Variants in DNMT3A observed in about 807,000 individuals in gnomAD.
DNMT3A encodes DNA methyltransferase 3 alpha, also known as DNA (cytosine-5)-methyltransferase 3A.
In DNMT3A, 267 loss-of-function variants were observed where a neutral mutation model predicts 117.6. The ratio of observed to expected loss-of-function variants is 2.27; its 90% CI spans 2.05 to 2.51. The LOEUF (loss-of-function observed/expected upper bound fraction) is 2.51. Ranked by LOEUF, DNMT3A falls within the 30% of genes most tolerant of loss-of-function variation. DNMT3A has a pLI of 0.00. For synonymous variants in DNMT3A, 432 were observed against 474.8 expected (o/e 0.91, Z 1.17); for missense variants, 1,029 against 1,260.2 (o/e 0.82, Z 2.78).
rs2032984927 is a variant in DNMT3A at position 25,294,654 on chromosome 2, G to T, written c.177+5485C>A. Among the ~76,000 whole-genome samples the T allele has an allele frequency of 6.6e-6, 1 of 152,236 alleles. No individual in the cohort carries two copies. The highest frequency in any genetic ancestry group is 1.5e-5 in the Non-Finnish European group (1 of 68,046). On this transcript the variant is annotated intron_variant, in intron 3 of 22. Transcript: ENST00000321117. This position sits in a 1 kb window ranked among gnomAD's most constrained non-coding sequence, Gnocchi z 4.7. The stretch of plus-strand genomic sequence containing the variant: ...AAGAATCAAAGGTCCTATCAGGCTG[G>T]AAAGCTAGCCAGTGCTGCAAACCTC...
At chr2:25,239,045 G>A in intron 20 of DNMT3A, 85 bp downstream of exon 20, 1 of 1,203,962 alleles carries the variant, frequency 8.3e-7, no homozygotes, top group South Asian at 1.4e-5. Context: ...GCCAGAGAGG[G>A]CCCGGCTCAG....
rs570728602 is a variant in DNMT3A, at chr2:25,248,855, ATG to A, written c.640-605_640-604del. ...GAGCCACTGTGTCTAGCCTACGTTA[ATG>A]TTTTTTTTTTAATTTTATTATTATT... On this transcript the variant is annotated intron_variant, in intron 6 of 22. Transcript: ENST00000321117. Among the ~76,000 whole-genome samples, 458 of 152,038 alleles carry A rather than the reference ATG, an allele frequency of 3.0e-3. 3 individuals are homozygous for A. Among genetic ancestry groups the A allele is most frequent in the African/African-American group, 0.011 (439 of 41,462 alleles).
intron 6 of DNMT3A, among the ~76,000 whole-genome samples, chr2:25,251,651 CCT>C (rs1015929694): frequency 2.6e-5 from 4 of 152,216 alleles, no homozygotes; most frequent in African/African-American, 2.4e-5. Flanking sequence ...AGGCCGGCCC[CCT>C]GTCAGGGTCG....
intron 3 of DNMT3A, among the ~76,000 whole-genome samples, chr2:25,299,468 C>CAGGGAG (rs1174489994): frequency 6.6e-6 from 1 of 152,208 alleles, no homozygotes; most frequent in Non-Finnish European, 1.5e-5. Flanking sequence ...AGGGAGGGGC[C>CAGGGAG]TTCATAGATA....
chr2:25,285,539 T>C (rs943637275), intron 3 of DNMT3A, among the ~76,000 whole-genome samples: 2 of 152,158 alleles, frequency 1.3e-5, no homozygotes, highest in African/African-American at 2.4e-5. Context: ...GAAAGCTGCA[T>C]GTGTGTACTC....
chr2:25,248,331 T>C, intron 6 of DNMT3A, 79 bp from the exon 7 acceptor site: 2 of 1,497,100 alleles, frequency 1.3e-6, no homozygotes, highest in South Asian at 2.4e-5. Flanking sequence ...GGGGACCATG[T>C]TTGTCAAAAC....
In DNMT3A at chr2:25,293,381, G is replaced by A. The variant is rs1048401417; in HGVS notation, c.177+6758C>T. ...ATTTCTCAAACACGACTCCCATCAC[G>A]TCATATCCGCCTCCTCACAACCTTC... On this transcript the variant is annotated intron_variant, in intron 3 of 22. Coordinates refer to ENST00000321117, the MANE Select transcript of DNMT3A (RefSeq NM_022552.5). The surrounding 1 kb of genome is among the most constrained non-coding windows in gnomAD (Gnocchi z 4.7). Among the ~76,000 whole-genome samples, 1 of 152,146 alleles carries A rather than the reference G, an allele frequency of 6.6e-6. No individual in the cohort carries two copies.
intron 1 of DNMT3A, among the ~76,000 whole-genome samples, chr2:25,325,312 C>T (rs976475103): frequency 1.3e-5 from 2 of 152,140 alleles, no homozygotes; most frequent in African/African-American, 4.8e-5. Flanking sequence ...GGGCTTCCCA[C>T]GGCCTGGGAG....
chr2:25,238,961 C>A (rs1188649080), intron 20 of DNMT3A, among the ~76,000 whole-genome samples, 169 bp downstream of exon 20: 1 of 152,148 alleles, frequency 6.6e-6, no homozygotes, highest in African/African-American at 2.4e-5. Flanking sequence ...TTTTCTATAC[C>A]CTGACTCCTC....
chr2:25,240,235 A>C, intron 19 of DNMT3A, 67 bp downstream of exon 19: 1 of 1,604,200 alleles, frequency 6.2e-7, no homozygotes, highest in East Asian at 2.2e-5. Context: ...CAGATGAGAC[A>C]GGATGAAGCA....
At chr2:25,272,638 C>A (rs1020377158) in intron 6 of DNMT3A, among the ~76,000 whole-genome samples, 3 of 152,132 alleles carry the variant, frequency 2.0e-5, no homozygotes, top group Admixed American at 6.5e-5. Context: ...ATTTCCACCC[C>A]AAACACAACA....
Position 25,337,118 on chromosome 2 carries a change from G to A in DNMT3A, c.-178+4708C>T, listed in dbSNP as rs993412338. ...AGTGCTGCTGCACTCAAGACAGGAT[G>A]AGAATAACGAGCTGAAACTACAGCG... is the stretch of plus-strand genomic sequence containing the variant. On this transcript the variant is annotated intron_variant, in intron 1 of 22. Coordinates refer to ENST00000321117, the MANE Select transcript of DNMT3A (RefSeq NM_022552.5). This position sits in a 1 kb window ranked among gnomAD's most constrained non-coding sequence, Gnocchi z 5.0. 2.6e-5 allele frequency among the ~76,000 whole-genome samples: 4 copies of A among 152,208 alleles called. No homozygotes were observed. The highest frequency in any genetic ancestry group is 4.8e-5 in the African/African-American group (2 of 41,438).
At chr2:25,259,893 A>G (rs962282911) in intron 6 of DNMT3A, among the ~76,000 whole-genome samples, 5 of 152,204 alleles carry the variant, frequency 3.3e-5, no homozygotes, top group Non-Finnish European at 7.3e-5. Flanking sequence ...GACCCCTGCC[A>G]TCTCCATCCG....
At chr2:25,287,123 T>C (rs943268542) in intron 3 of DNMT3A, among the ~76,000 whole-genome samples, 1 of 152,160 alleles carries the variant, frequency 6.6e-6, no homozygotes, top group East Asian at 1.9e-4. Context: ...AACAATCTGC[T>C]TTTGTTTGCT....
chr2:25,289,526 A>G (rs749364795), intron 3 of DNMT3A, among the ~76,000 whole-genome samples: 1 of 152,180 alleles, frequency 6.6e-6, no homozygotes, highest in Non-Finnish European at 1.5e-5. Context: ...AGCTGGAGCG[A>G]TACTCGCTTT....
chr2:25,249,417 A>G (rs1675249165), intron 6 of DNMT3A, among the ~76,000 whole-genome samples: 1 of 152,208 alleles, frequency 6.6e-6, no homozygotes, highest in South Asian at 2.1e-4. Flanking sequence ...AAGCTCCCCA[A>G]GAGCCTGTCT....
At chr2:25,273,202 C>T (rs2031092594) in intron 6 of DNMT3A, among the ~76,000 whole-genome samples, 1 of 152,002 alleles carries the variant, frequency 6.6e-6, no homozygotes, top group Admixed American at 6.6e-5. Context: ...TCTCGAACTC[C>T]TGACCTTAGG....
Position 25,282,659 on chromosome 2 carries a change from G to A in DNMT3A, c.230C>T (p.Ser77Phe), listed in dbSNP as rs2031973986. The A allele has an allele frequency of 6.3e-7, 1 of 1,594,652 alleles. No individual in the cohort carries two copies. The highest frequency in any genetic ancestry group is 8.5e-7 in the Non-Finnish European group (1 of 1,170,958). The change falls in exon 4 of 23, where the codon TCC becomes TTC. Residue 77 changes from serine (S) to phenylalanine (F), a missense_variant. Ser to Phe is a radical substitution (Grantham distance 155). Transcript: ENST00000321117. This position sits in a 1 kb window ranked among gnomAD's most constrained non-coding sequence, Gnocchi z 5.2. ...TGAGGCGCCTGAGTCCTGGGCCATG[G>A]ATGGGGACTTGGAGATCACCGCAGG... is the stretch of plus-strand genomic sequence containing the variant. ...KDPAVISKSP[S>F]MAQDSGASEL...
At position 25,247,160 on chromosome 2, in the gene DNMT3A, T is replaced by C. The variant is rs920946076; in HGVS notation, c.1015-2A>G. The C allele has an allele frequency of 6.8e-6, 11 of 1,613,374 alleles. No individual in the cohort carries two copies. Among genetic ancestry groups the C allele is most frequent in the Non-Finnish European group, 7.6e-6 (9 of 1,179,634 alleles). On this transcript the variant is annotated splice_acceptor_variant, in intron 8 of 22. Transcript: ENST00000321117. LOFTEE classifies it high-confidence loss of function. This position sits in a 1 kb window ranked among gnomAD's most constrained non-coding sequence, Gnocchi z 5.6. ...CGGCATCAGCTTCTCAACACACACC[T>C]GGGGGGACAAGCCAGGCCTTGTTTG...
Sources: allele counts gnomAD v4.1 joint callset (sites outside exome capture counted in the v4.1 genomes callset), GRCh38; gene constraint gnomAD v4.1.1; non-coding constraint Gnocchi (gnomAD v3.1); transcripts MANE v1.5; gene names NCBI Gene and HGNC (gene_info 2026-07-23, HGNC 2026-07-21).